The following FOXN3 variants were observed in gnomAD, a reference collection of about 807,000 sequenced individuals.
The protein encoded by FOXN3 is forkhead box protein N3.
Under a neutral mutation model 38.4 loss-of-function variants are expected in FOXN3, and 7 were observed. The ratio of observed to expected loss-of-function variants is 0.18; its 90% CI spans 0.10 to 0.34. FOXN3 has a LOEUF of 0.34. Ranked by LOEUF, FOXN3 falls within the 10% of genes least tolerant of loss-of-function variation. FOXN3 has a pLI of 1.00. For missense variants in FOXN3, 456 were observed against 613.4 expected, an observed-to-expected ratio of 0.74 and a Z score of 2.71; for synonymous variants, 230 against 242.2, an observed-to-expected ratio of 0.95 and a Z score of 0.47.
intron 1 of FOXN3, among the ~76,000 whole-genome samples, chr14:89,590,017 C>T (rs1296551598): frequency 5.3e-5 from 8 of 152,118 alleles, no homozygotes; most frequent in Admixed American, 2.0e-4. Context: ...CGGGCAGGCC[C>T]CAGGTTTCCT....
At chr14:89,413,473 A>G (rs1159429458) in intron 1 of FOXN3, among the ~76,000 whole-genome samples, 1 of 151,990 alleles carries the variant, frequency 6.6e-6, no homozygotes, top group African/African-American at 2.4e-5. Context: ...ATCTCTATGA[A>G]AAATACAAAA....
At chr14:89,585,503 A>G (rs1173885760) in intron 1 of FOXN3, among the ~76,000 whole-genome samples, 1 of 152,202 alleles carries the variant, frequency 6.6e-6, no homozygotes, top group African/African-American at 2.4e-5. Context: ...ACCCAAATTC[A>G]TTCATTAAAC....
intron 3 of FOXN3, among the ~76,000 whole-genome samples, chr14:89,304,374 G>A (rs930999292): frequency 2.0e-4 from 31 of 152,188 alleles, no homozygotes; most frequent in Admixed American, 1.8e-3. Flanking sequence ...GAAAGTGGCT[G>A]TGAGCAGAAC....
rs538374619 is a variant in FOXN3 at position 89,210,456 on chromosome 14, C to T, written c.746-29650G>A. 3.3e-5 allele frequency among the ~76,000 whole-genome samples: 5 copies of T among 152,290 alleles called. No homozygotes were observed. In the South Asian group the frequency reaches 1.0e-3, roughly 32 times the overall value. On this transcript the variant is annotated intron_variant, in intron 4 of 5. Coordinates refer to ENST00000557258, the MANE Select transcript of FOXN3 (RefSeq NM_005197.4). ...AAACCTCTTTTCTTTATAAATTACC[C>T]AGTCTCAGGTATTTCTTTACAGCAA...
At chr14:89,414,485 T>C (rs547931129) in intron 1 of FOXN3, among the ~76,000 whole-genome samples, 1 of 151,520 alleles carries the variant, frequency 6.6e-6, no homozygotes, top group Non-Finnish European at 1.5e-5. Flanking sequence ...GTACCTTCCC[T>C]CTTCCAAAAG....
chr14:89,511,021 T>C (rs1039176928), intron 1 of FOXN3, among the ~76,000 whole-genome samples: 4 of 152,006 alleles, frequency 2.6e-5, no homozygotes, highest in African/African-American at 4.8e-5. Context: ...ATTACAAAAG[T>C]GCATGCCTGA....
intron 1 of FOXN3, among the ~76,000 whole-genome samples, chr14:89,415,950 C>T (rs1313182023): frequency 6.6e-6 from 1 of 151,602 alleles, no homozygotes; most frequent in East Asian, 1.9e-4. Flanking sequence ...GGAGAAAATG[C>T]GGCAAGAAAG....
intron 4 of FOXN3, among the ~76,000 whole-genome samples, chr14:89,238,708 T>A (rs1374692493): frequency 6.6e-6 from 1 of 152,214 alleles, no homozygotes; most frequent in Non-Finnish European, 1.5e-5. Flanking sequence ...GTTGTGAGTT[T>A]AACGAATTAG....
At chr14:89,539,312 G>A (rs1894752572) in intron 1 of FOXN3, among the ~76,000 whole-genome samples, 1 of 152,160 alleles carries the variant, frequency 6.6e-6, no homozygotes, top group Non-Finnish European at 1.5e-5. Flanking sequence ...GTATCTCCTA[G>A]AAAAGGATAT....
intron 4 of FOXN3, among the ~76,000 whole-genome samples, chr14:89,193,212 T>G: frequency 6.6e-6 from 1 of 152,004 alleles, no homozygotes; most frequent in Non-Finnish European, 1.5e-5. Context: ...CCAAAGTTTT[T>G]CTCGGTGGCC....
chr14:89,454,004 TAAG>T (rs79564409), intron 1 of FOXN3, among the ~76,000 whole-genome samples: 66,039 of 151,434 alleles, frequency 0.44, 14,591 homozygotes, highest in African/African-American at 0.49. Context: ...AATGCCCTCT[TAAG>T]AAGAAGAAGA....
chr14:89,429,880 G>C (rs1892120035), intron 1 of FOXN3, among the ~76,000 whole-genome samples: 1 of 152,134 alleles, frequency 6.6e-6, no homozygotes, highest in Admixed American at 6.5e-5. Context: ...CACAGACATC[G>C]CTGGCCTTCC....
At chr14:89,583,091 G>A (rs1193557100) in intron 1 of FOXN3, among the ~76,000 whole-genome samples, 1 of 152,210 alleles carries the variant, frequency 6.6e-6, no homozygotes, top group Non-Finnish European at 1.5e-5. Flanking sequence ...GTCTTTGTGT[G>A]AATGTACGCT....
At chr14:89,356,351 C>A (rs1489716442) in intron 2 of FOXN3, 1 of 151,920 alleles carries the variant, frequency 6.6e-6, no homozygotes, top group East Asian at 1.9e-4. Context: ...GAGCCAAAAT[C>A]GTGCCATTGC....
intron 1 of FOXN3, among the ~76,000 whole-genome samples, chr14:89,511,950 C>G (rs1373735637): frequency 6.6e-6 from 1 of 152,156 alleles, no homozygotes; most frequent in African/African-American, 2.4e-5. Flanking sequence ...GGGAAAACTG[C>G]CCCTGATTCA....
chr14:89,428,789 A>G (rs1892098200), intron 1 of FOXN3, among the ~76,000 whole-genome samples: 1 of 152,222 alleles, frequency 6.6e-6, no homozygotes, highest in Non-Finnish European at 1.5e-5. Flanking sequence ...CACCCTGCGC[A>G]GGCCTCCACG....
intron 3 of FOXN3, among the ~76,000 whole-genome samples, chr14:89,285,056 C>T (rs1886579656): frequency 6.6e-6 from 1 of 152,200 alleles, no homozygotes; most frequent in Non-Finnish European, 1.5e-5. Flanking sequence ...ACCCAGGAAC[C>T]TTAACCATTG....
chr14:89,520,480 G>A (rs1386032767), intron 1 of FOXN3, among the ~76,000 whole-genome samples: 4 of 152,182 alleles, frequency 2.6e-5, no homozygotes, highest in Non-Finnish European at 5.9e-5. Context: ...ATAGAAAGAT[G>A]AAATCCCAGA....
chr14:89,476,353 C>G (rs1295172303), intron 1 of FOXN3, among the ~76,000 whole-genome samples: 2 of 152,176 alleles, frequency 1.3e-5, no homozygotes, highest in African/African-American at 2.4e-5. Context: ...CAAAACAGCC[C>G]TTCCTCCTCA....
Sources: allele counts gnomAD v4.1 joint callset (sites outside exome capture counted in the v4.1 genomes callset), GRCh38; gene constraint gnomAD v4.1.1; transcripts MANE v1.5; gene names NCBI Gene and HGNC (gene_info 2026-07-23, HGNC 2026-07-21).